Variants in SKI observed in about 807,000 individuals in gnomAD.
The protein encoded by SKI is ski oncogene.
In SKI, 23 loss-of-function variants were observed where a neutral mutation model predicts 59.3. The ratio of observed to expected loss-of-function variants is 0.39; its 90% confidence interval spans 0.28 to 0.55. The LOEUF (loss-of-function observed/expected upper bound fraction) is 0.55. Among genes scored for constraint, SKI ranks in the 20% least tolerant of loss-of-function variants. The pLI is 0.67. For synonymous variants in SKI, 673 were observed against 488.6 expected, an observed-to-expected ratio of 1.38 and a Z score of -4.98; for missense variants, 1,017 against 1,038.9, an observed-to-expected ratio of 0.98 and a Z score of 0.29.
intron 1 of SKI, among the ~76,000 whole-genome samples, chr1:2,260,352 T>A (rs1639358199): frequency 6.6e-6 from 1 of 152,194 alleles, no homozygotes; most frequent in African/African-American, 2.4e-5. Context: ...TATTTTAGAC[T>A]GGGTTTGTTG....
chr1:2,306,670 C>T lies in SKI; in HGVS notation c.2092C>T (p.Leu698=), dbSNP rs766929334. The T allele has an allele frequency of 1.9e-5, 29 of 1,544,990 alleles. No individual in the cohort carries two copies. Among genetic ancestry groups the T allele is most frequent in the South Asian group, 1.6e-4 (13 of 83,782 alleles). Residue 698 remains leucine (L), a synonymous_variant, in exon 7 of 7, where the codon CTG becomes TTG. Transcript: ENST00000378536. The stretch of plus-strand genomic sequence containing the variant: ...GCGGGAGCGCGAGGCCCGGGAGCAC[C>T]TGGAGAAGGTGGTGAAGGAGCTGCA... ...LLREREAREH[L]EKVVKELQEQ...
Position 2,306,032 on chromosome 1 carries a change from C to T in SKI, c.1780C>T (p.Leu594=). ...KRSLHQELEF[L]RVAKKEKLRE... ...CTCCGGCCCCCAGGAGCTGGAGTTCCTACGCGTGGCCAAGAAGGAGAAGCT... is the reference window on the plus strand; with the variant it reads ...CTCCGGCCCCCAGGAGCTGGAGTTCTTACGCGTGGCCAAGAAGGAGAAGCT... The change falls in exon 6 of 7, where the codon CTA becomes TTA. Residue 594 remains leucine (L), a synonymous_variant. Coordinates refer to ENST00000378536, the MANE Select transcript of SKI (RefSeq NM_003036.4). 1.3e-6 allele frequency: 2 copies of T among 1,583,792 alleles called. No individual in the cohort carries two copies. Among genetic ancestry groups the T allele is most frequent in the East Asian group, 2.3e-5 (1 of 43,772 alleles).
At chr1:2,264,013 T>G (rs1200221938) in intron 1 of SKI, among the ~76,000 whole-genome samples, 1 of 149,236 alleles carries the variant, frequency 6.7e-6, no homozygotes, top group Non-Finnish European at 1.5e-5. Context: ...CTGTTTCTAT[T>G]AAAAAAAAAA....
At chr1:2,248,545 C>A (rs898417706) in intron 1 of SKI, among the ~76,000 whole-genome samples, 1 of 152,166 alleles carries the variant, frequency 6.6e-6, no homozygotes, top group Non-Finnish European at 1.5e-5. Flanking sequence ...CAAAAGGAAG[C>A]CTGGCAGTGG....
At chr1:2,291,711 G>GC (rs1569833783) in intron 1 of SKI, among the ~76,000 whole-genome samples, 2 of 151,534 alleles carry the variant, frequency 1.3e-5, no homozygotes, top group East Asian at 3.9e-4. Flanking sequence ...ATTGTGGGGG[G>GC]GCCCCCTGGG....
chr1:2,296,465 G>A (rs1457730527), intron 1 of SKI, among the ~76,000 whole-genome samples: 1 of 152,136 alleles, frequency 6.6e-6, no homozygotes. Flanking sequence ...GTGTGATTGC[G>A]TTTCCACAGT....
chr1:2,277,045 A>C (rs1639757749), intron 1 of SKI, among the ~76,000 whole-genome samples: 1 of 152,096 alleles, frequency 6.6e-6, no homozygotes, highest in Admixed American at 6.6e-5. Context: ...TGGAGCTGGG[A>C]TTCCTCTCAT....
At chr1:2,246,167 C>G (rs1030534310) in intron 1 of SKI, among the ~76,000 whole-genome samples, 1 of 152,188 alleles carries the variant, frequency 6.6e-6, no homozygotes, top group Non-Finnish European at 1.5e-5. Flanking sequence ...CAACAGCGTT[C>G]GAGCAGCACT....
At chr1:2,236,021 C>T (rs760260322) in intron 1 of SKI, among the ~76,000 whole-genome samples, 5 of 152,230 alleles carry the variant, frequency 3.3e-5, no homozygotes, top group Admixed American at 1.3e-4. Context: ...GCTTGGTGTT[C>T]GTGTCTTCTC....
At position 2,305,896 on chromosome 1, in the gene SKI, G is replaced by T. The variant is rs540806972; in HGVS notation, c.1768-124G>T. 234 of 799,632 alleles carry T rather than the reference G, an allele frequency of 2.9e-4. 1 individual carries two copies. The African/African-American group carries it at 3.7e-3, about 13-fold the overall frequency. 49.5% of individuals were successfully genotyped at this position (799,632 alleles called of 1,614,324 possible). ...CGGGTTGGGCTGATGGCGCGCTGGG[G>T]GCGGGGCTCCAGGGCACATTGTCAG... On this transcript the variant is annotated intron_variant, in intron 5 of 6. Transcript: ENST00000378536.
intron 1 of SKI, among the ~76,000 whole-genome samples, chr1:2,289,807 C>T (rs1055724343): frequency 2.6e-5 from 4 of 152,180 alleles, no homozygotes; most frequent in Non-Finnish European, 4.4e-5. Flanking sequence ...GGGTTGTCCT[C>T]TTCCACCAAG....
chr1:2,246,718 T>C (rs375356083), intron 1 of SKI, among the ~76,000 whole-genome samples: 3 of 152,154 alleles, frequency 2.0e-5, no homozygotes, highest in Non-Finnish European at 2.9e-5. Flanking sequence ...AGTGACCTGC[T>C]GGGGCCGAAG....
At chr1:2,293,483 T>A (rs1392972466) in intron 1 of SKI, among the ~76,000 whole-genome samples, 2 of 151,954 alleles carry the variant, frequency 1.3e-5, no homozygotes, top group Non-Finnish European at 2.9e-5. Context: ...CCAGGCACAT[T>A]TGGCCGTCCC....
At position 2,270,564 on chromosome 1, in the gene SKI, G is replaced by A. The variant is rs1406943707; in HGVS notation, c.970-32414G>A. On this transcript the variant is annotated intron_variant, in intron 1 of 6. Coordinates refer to ENST00000378536, the MANE Select transcript of SKI (RefSeq NM_003036.4). This position sits in a 1 kb window ranked among gnomAD's most constrained non-coding sequence, Gnocchi z 4.1. ...TGTGCAGTGTTGAGGGGGCGCTGGG[G>A]AAACAAGCTGCCGGCTGAGGAGGCC... 6.6e-6 allele frequency among the ~76,000 whole-genome samples: 1 copy of A among 152,078 alleles called. No homozygotes were observed. The highest frequency in any genetic ancestry group is 1.5e-5 in the Non-Finnish European group (1 of 67,910).
chr1:2,306,531 G>A, intron 6 of SKI, 46 bp from the exon 7 acceptor site: 4 of 1,524,634 alleles, frequency 2.6e-6, no homozygotes, highest in Non-Finnish European at 3.5e-6. Context: ...GTCGGGCCGG[G>A]GCAGGGCAGC....
intron 1 of SKI, among the ~76,000 whole-genome samples, chr1:2,263,872 A>C (rs1465156310): frequency 6.6e-6 from 1 of 151,194 alleles, no homozygotes; most frequent in Non-Finnish European, 1.5e-5. Flanking sequence ...ATCTCAAAAA[A>C]AAAAAAAAAA....
chr1:2,238,551 C>T (rs1454026232), intron 1 of SKI, among the ~76,000 whole-genome samples: 1 of 152,214 alleles, frequency 6.6e-6, no homozygotes, highest in African/African-American at 2.4e-5. Flanking sequence ...GGCACAAGCC[C>T]GGGGCCCCAG....
In SKI at chr1:2,270,382, C is replaced by G. The variant is rs996623675; in HGVS notation, c.970-32596C>G. ...TGGACAGTGCCCATCTTGAATGCAG[C>G]CCTGGTGACCTGAAGCCCCTGCGTT... On this transcript the variant is annotated intron_variant, in intron 1 of 6. Coordinates refer to ENST00000378536, the MANE Select transcript of SKI (RefSeq NM_003036.4). The surrounding 1 kb of genome is among the most constrained non-coding windows in gnomAD (Gnocchi z 4.1). Among the ~76,000 whole-genome samples the G allele has an allele frequency of 7.9e-5, 12 of 152,198 alleles. No homozygotes were observed. Among genetic ancestry groups the G allele is most frequent in the African/African-American group, 2.7e-4 (11 of 41,444 alleles).
In SKI at chr1:2,229,474, C is replaced by T. The variant is rs747283757; in HGVS notation, c.708C>T (p.Leu236=). ...GTAAGGGGCTGCTGGTGCCCGAGCT[C>T]TACAGCAGCCCGAGCGCCGCCTGCA... ...GKCKGLLVPE[L]YSSPSAACIQ... Residue 236 remains leucine, a synonymous_variant, in exon 1 of 7, where the codon CTC becomes CTT. Transcript: ENST00000378536. The surrounding 1 kb of genome is among the most constrained non-coding windows in gnomAD (Gnocchi z 6.3). 2 of 1,611,710 alleles carry T rather than the reference C, an allele frequency of 1.2e-6. No individual in the cohort carries two copies. Among genetic ancestry groups the T allele is most frequent in the Non-Finnish European group, 1.7e-6 (2 of 1,179,838 alleles).
Sources: allele counts gnomAD v4.1 joint callset (sites outside exome capture counted in the v4.1 genomes callset), GRCh38; gene constraint gnomAD v4.1.1; non-coding constraint Gnocchi (gnomAD v3.1); transcripts MANE v1.5; gene names NCBI Gene and HGNC (gene_info 2026-07-23, HGNC 2026-07-21).